PPP3CA: variants seen among roughly 807,000 people sequenced by gnomAD.
The protein encoded by PPP3CA is protein phosphatase 3 catalytic subunit alpha, also known as CAM-PRP catalytic subunit.
A neutral mutation model predicts 66.5 loss-of-function variants in PPP3CA; 14 were observed. That is an observed-to-expected ratio of 0.21 (90% CI 0.14 to 0.33). The LOEUF (loss-of-function observed/expected upper bound fraction) is 0.33. Among genes scored for constraint, PPP3CA ranks in the 10% least tolerant of loss-of-function variants. The pLI is 1.00. For synonymous variants in PPP3CA, 232 were observed against 226.2 expected (o/e 1.03, Z -0.23); for missense variants, 317 against 639.5 (o/e 0.50, Z 5.44).
chr4:101,077,797 C>T (rs1438141956), intron 8 of PPP3CA, among the ~76,000 whole-genome samples: 2 of 151,090 alleles, frequency 1.3e-5, no homozygotes, highest in South Asian at 2.1e-4. Context: ...ACTACAAAAT[C>T]TCAAAGTCAG....
chr4:101,345,616 G>A (rs1729957201), intron 1 of PPP3CA, among the ~76,000 whole-genome samples: 1 of 152,146 alleles, frequency 6.6e-6, no homozygotes, highest in Non-Finnish European at 1.5e-5. Context: ...CTGCTCTGTT[G>A]CCTCAGCCTT....
chr4:101,345,132 T>A (rs907850927), intron 1 of PPP3CA, among the ~76,000 whole-genome samples: 1 of 152,206 alleles, frequency 6.6e-6, no homozygotes, highest in African/African-American at 2.4e-5. Flanking sequence ...GCAGAGCTAT[T>A]TCCTCATTAT....
chr4:101,093,939 G>A (rs1355499722), intron 5 of PPP3CA, 24 bp from the exon 6 acceptor site: 2 of 1,577,098 alleles, frequency 1.3e-6, no homozygotes, highest in South Asian at 2.3e-5. Flanking sequence ...AAGACAGAGA[G>A]CAAAATACTA....
At chr4:101,333,217 A>C (rs1229610865) in intron 1 of PPP3CA, among the ~76,000 whole-genome samples, 2 of 113,166 alleles carry the variant, frequency 1.8e-5, no homozygotes, top group South Asian at 3.0e-4. Flanking sequence ...CGATCCTCCC[A>C]CCTCAGCCTC....
At chr4:101,257,218 A>G (rs1265256457) in intron 1 of PPP3CA, among the ~76,000 whole-genome samples, 1 of 151,990 alleles carries the variant, frequency 6.6e-6, no homozygotes, top group South Asian at 2.1e-4. Context: ...GGGGTGTTTA[A>G]TAAGGATAAG....
At chr4:101,272,748 T>C (rs1473961537) in intron 1 of PPP3CA, among the ~76,000 whole-genome samples, 1 of 152,184 alleles carries the variant, frequency 6.6e-6, no homozygotes, top group Non-Finnish European at 1.5e-5. Context: ...AAGGAAGTGT[T>C]TATTAAACAA....
chr4:101,151,371 C>T (rs1560628488), intron 2 of PPP3CA, among the ~76,000 whole-genome samples: 1 of 151,808 alleles, frequency 6.6e-6, no homozygotes, highest in Non-Finnish European at 1.5e-5. Flanking sequence ...ACCAGCCTGG[C>T]CAAGATGGTG....
intron 1 of PPP3CA, among the ~76,000 whole-genome samples, chr4:101,232,668 T>C (rs1174029361): frequency 3.0e-5 from 4 of 135,196 alleles, no homozygotes; most frequent in African/African-American, 1.1e-4. Context: ...CTTATGGTCA[T>C]ACCACAGATC....
chr4:101,112,498 T>C (rs1370391268), intron 2 of PPP3CA, among the ~76,000 whole-genome samples: 6 of 152,258 alleles, frequency 3.9e-5, no homozygotes, highest in African/African-American at 1.4e-4. Context: ...AGAATAGCCA[T>C]AGGTCTGCTA....
chr4:101,275,243 T>G (rs1727452551), intron 1 of PPP3CA, among the ~76,000 whole-genome samples: 1 of 152,046 alleles, frequency 6.6e-6, no homozygotes, highest in Admixed American at 6.5e-5. Flanking sequence ...TCTCACTAAC[T>G]TATTTGGTTA....
At chr4:101,264,243 C>G (rs1011128405) in intron 1 of PPP3CA, among the ~76,000 whole-genome samples, 3 of 152,146 alleles carry the variant, frequency 2.0e-5, no homozygotes, top group African/African-American at 7.2e-5. Context: ...TTTCTGTTGT[C>G]TGTCCTTCCT....
intron 6 of PPP3CA, among the ~76,000 whole-genome samples, chr4:101,083,581 AC>A (rs748231216): frequency 1.3e-5 from 2 of 152,252 alleles, no homozygotes; most frequent in Non-Finnish European, 1.5e-5. Flanking sequence ...GACAAAGTGA[AC>A]GGAGCATAAC....
At chr4:101,195,350 A>G (rs1488968272) in intron 2 of PPP3CA, among the ~76,000 whole-genome samples, 4 of 152,094 alleles carry the variant, frequency 2.6e-5, no homozygotes, top group African/African-American at 7.2e-5. Context: ...CCGAAAGTTC[A>G]GTGCTTCTCA....
intron 2 of PPP3CA, among the ~76,000 whole-genome samples, chr4:101,192,577 A>G (rs1000530238): frequency 6.6e-6 from 1 of 152,158 alleles, no homozygotes; most frequent in Non-Finnish European, 1.5e-5. Context: ...CTCAAAGAAC[A>G]TAACTAGCCA....
Position 101,346,777 on chromosome 4 carries a change from A to G in PPP3CA, c.20T>C (p.Ile7Thr), listed in dbSNP as rs1730017544. MSEPKA[I>T]DPKLSTTDRV... The stretch of plus-strand genomic sequence containing the variant: ...GTCGGTCGTCGACAACTTGGGATCA[A>G]TTGCCTTGGGCTCGGACATCTCCAG... The change falls in exon 1 of 14, where the codon ATT (isoleucine) becomes ACT (threonine). Residue 7 changes from isoleucine (I) to threonine (T), a missense_variant. Physicochemically the swap from Ile to Thr is moderately conservative, Grantham distance 89. Coordinates refer to ENST00000394854, the MANE Select transcript of PPP3CA (RefSeq NM_000944.5). 6.2e-7 allele frequency: 1 copy of G among 1,611,494 alleles called. No individual in the cohort carries two copies. The highest frequency in any genetic ancestry group is 1.3e-5 in the African/African-American group (1 of 74,682).
chr4:101,234,946 T>C (rs1246432135), intron 1 of PPP3CA, among the ~76,000 whole-genome samples: 2 of 151,762 alleles, frequency 1.3e-5, no homozygotes, highest in Admixed American at 6.6e-5. Context: ...AGAAGAAATG[T>C]GAAGATATTT....
intron 7 of PPP3CA, among the ~76,000 whole-genome samples, chr4:101,082,397 A>C (rs1357574086): frequency 1.3e-5 from 2 of 152,202 alleles, no homozygotes; most frequent in African/African-American, 2.4e-5. Flanking sequence ...GGTTATAAAA[A>C]GAAGTGCTAC....
At chr4:101,177,017 T>C (rs1474663535) in intron 2 of PPP3CA, among the ~76,000 whole-genome samples, 2 of 152,162 alleles carry the variant, frequency 1.3e-5, no homozygotes, top group Non-Finnish European at 2.9e-5. Flanking sequence ...GAAAATGTTT[T>C]TGTGAAACAG....
intron 10 of PPP3CA, 102 bp from the exon 11 acceptor site, chr4:101,040,668 A>ATTT: frequency 1.4e-6 from 1 of 719,094 alleles, no homozygotes; most frequent in Non-Finnish European, 2.0e-6. Context: ...CAAAATCAGT[A>ATTT]TTTTTTTTTT....
Sources: gnomAD v4.1 joint callset for allele counts (sites outside exome capture counted in the v4.1 genomes callset) on GRCh38, gnomAD v4.1.1 for gene constraint, MANE v1.5 for transcripts, NCBI Gene and HGNC (gene_info 2026-07-23, HGNC 2026-07-21) for gene names.